WDFY1: variants seen among roughly 807,000 people sequenced by gnomAD.
WDFY1 encodes the protein WD repeat and FYVE domain containing 1.
A neutral mutation model predicts 56.4 loss-of-function variants in WDFY1; 32 were observed. The observed-to-expected ratio is 0.57, with a 90% CI of 0.43 to 0.76. The LOEUF is 0.76. WDFY1 is among the 30% of genes least tolerant of loss of function. The pLI is 0.00. For synonymous variants in WDFY1, 192 were observed against 197.3 expected (o/e 0.97, Z 0.23); for missense variants, 480 against 545.7 (o/e 0.88, Z 1.20).
chr2:223,937,236 A>G (rs1689196068), intron 1 of WDFY1, among the ~76,000 whole-genome samples: 1 of 152,256 alleles, frequency 6.6e-6, no homozygotes, highest in South Asian at 2.1e-4. Context: ...CTATTCAAAC[A>G]GGAAAAATTT....
At position 223,876,338 on chromosome 2, in the gene WDFY1, G is replaced by A. The variant is rs1320730652; in HGVS notation, c.*2333C>T. On this transcript the variant is annotated 3_prime_UTR_variant, in exon 12 of 12. Transcript: ENST00000233055. ...AGTCAAAATAAGGCAATAACCATCA[G>A]CCTATCTGTACTTTTCTTCTGTGCC... is the stretch of plus-strand genomic sequence containing the variant. 1 of 152,544 alleles carries A rather than the reference G, an allele frequency of 6.6e-6. No individual in the cohort carries two copies. The highest frequency in any genetic ancestry group is 1.5e-5 in the Non-Finnish European group (1 of 68,010). 9.4% of individuals were successfully genotyped at this position (152,544 alleles called of 1,614,324 possible).
chr2:223,890,567 T>C (rs1693252277), intron 8 of WDFY1, among the ~76,000 whole-genome samples: 1 of 152,244 alleles, frequency 6.6e-6, no homozygotes, highest in Non-Finnish European at 1.5e-5. Context: ...TAAGCTAACA[T>C]GAGCCATCCT....
intron 3 of WDFY1, among the ~76,000 whole-genome samples, chr2:223,910,526 T>C (rs1008346746): frequency 5.3e-5 from 8 of 150,244 alleles, no homozygotes; most frequent in Non-Finnish European, 1.0e-4. Flanking sequence ...GTCTAGTATC[T>C]AACATACAGA....
intron 1 of WDFY1, among the ~76,000 whole-genome samples, chr2:223,926,320 T>A (rs966907132): frequency 7.9e-5 from 12 of 152,152 alleles, no homozygotes; most frequent in Non-Finnish European, 1.3e-4. Flanking sequence ...CTAACTTTTT[T>A]AAGGCTTTTA....
intron 8 of WDFY1, among the ~76,000 whole-genome samples, chr2:223,885,822 CCACAGCAG>C (rs1364494797): frequency 4.8e-4 from 73 of 152,124 alleles, no homozygotes; most frequent in Admixed American, 4.7e-3. Context: ...CCCTTCCCAG[CCACAGCAG>C]CACGTCCCTC....
At chr2:223,900,340 C>T (rs1166286368) in intron 5 of WDFY1, among the ~76,000 whole-genome samples, 1 of 152,156 alleles carries the variant, frequency 6.6e-6, no homozygotes, top group Non-Finnish European at 1.5e-5. Flanking sequence ...ATATCTCATG[C>T]TGTGCATTCA....
At chr2:223,879,079 C>T (rs145169103) in intron 11 of WDFY1, among the ~76,000 whole-genome samples, 1 of 152,226 alleles carries the variant, frequency 6.6e-6, no homozygotes, top group African/African-American at 2.4e-5. Flanking sequence ...CCCAGCCACT[C>T]AAGAGGCTGA....
intron 1 of WDFY1, among the ~76,000 whole-genome samples, chr2:223,935,504 A>C (rs187598701): frequency 5.3e-5 from 8 of 152,368 alleles, no homozygotes; most frequent in Non-Finnish European, 1.0e-4. Context: ...AGGGAAGATG[A>C]ATACCTAAAT....
chr2:223,936,531 A>C (rs1431360380), intron 1 of WDFY1, among the ~76,000 whole-genome samples: 1 of 152,216 alleles, frequency 6.6e-6, no homozygotes, highest in Non-Finnish European at 1.5e-5. Flanking sequence ...AATGAGGTTT[A>C]AAAGATGATG....
intron 1 of WDFY1, among the ~76,000 whole-genome samples, chr2:223,942,883 G>A (rs1306361182): frequency 4.0e-5 from 6 of 151,200 alleles, no homozygotes. Context: ...TTCACATCAT[G>A]CAAGAGTCAT....
intron 3 of WDFY1, among the ~76,000 whole-genome samples, chr2:223,907,702 G>A (rs1693621410): frequency 6.6e-6 from 1 of 152,164 alleles, no homozygotes; most frequent in South Asian, 2.1e-4. Context: ...TTTTCTGAAA[G>A]CTAAAACGGA....
intron 1 of WDFY1, among the ~76,000 whole-genome samples, chr2:223,933,398 G>C (rs74965908): frequency 0.016 from 2,288 of 147,116 alleles, 62 homozygotes; most frequent in African/African-American, 0.052. Context: ...TCTTTTCACT[G>C]TTAGCATAAA....
intron 1 of WDFY1, among the ~76,000 whole-genome samples, chr2:223,943,691 C>A (rs1297562650): frequency 6.6e-6 from 1 of 152,226 alleles, no homozygotes; most frequent in Non-Finnish European, 1.5e-5. Flanking sequence ...CGGAAAGCTA[C>A]TGACATTGTA....
In WDFY1 at chr2:223,875,698, CTT is replaced by C. The variant is rs1000798112; in HGVS notation, c.*2971_*2972del. The C allele has an allele frequency of 1.9e-4, 29 of 152,176 alleles. No homozygotes were observed. 9.4% of individuals were successfully genotyped at this position (152,176 alleles called of 1,614,324 possible). A position where few individuals can be genotyped will look rare whatever the true frequency, so the allele number is the denominator to read the frequency against. On this transcript the variant is annotated 3_prime_UTR_variant, in exon 12 of 12. Coordinates refer to ENST00000233055, the MANE Select transcript of WDFY1 (RefSeq NM_020830.5). ...ACAATTAACAATTAAGCAATAGACACTTGAATAAATATAGCATGTATTACTTA... is the reference window on the plus strand; with the variant it reads ...ACAATTAACAATTAAGCAATAGACACGAATAAATATAGCATGTATTACTTA...
At position 223,881,994 on chromosome 2, in the gene WDFY1, C is replaced by T. The variant is rs1292053320; in HGVS notation, c.1012G>A (p.Glu338Lys). Residue 338 changes from glutamate to lysine, a missense_variant, in exon 10 of 12, where the codon GAG becomes AAG. Coordinates refer to ENST00000233055, the MANE Select transcript of WDFY1 (RefSeq NM_020830.5). ...KRSSYPVMGFEFQVRVCDSCY... is the reference protein window; with the variant it reads ...KRSSYPVMGFKFQVRVCDSCY... ...GAATCACAAACCCGGACTTGGAACT[C>T]GAAGCCCATGACTGGGTAACTTGAG... 6 of 1,613,970 alleles carry T rather than the reference C, an allele frequency of 3.7e-6. No individual in the cohort carries two copies. The highest frequency in any genetic ancestry group is 1.1e-5 in the South Asian group (1 of 91,086).
chr2:223,882,400 A>C (rs1294179047), intron 9 of WDFY1, among the ~76,000 whole-genome samples: 2 of 152,218 alleles, frequency 1.3e-5, no homozygotes, highest in Non-Finnish European at 2.9e-5. Context: ...GGCGTGAGCC[A>C]CTGCGCCTGG....
intron 8 of WDFY1, among the ~76,000 whole-genome samples, chr2:223,893,354 C>CAAAA (rs557812473): frequency 9.2e-6 from 1 of 108,758 alleles, no homozygotes; most frequent in Non-Finnish European, 2.0e-5. Flanking sequence ...CTGTCTCTAC[C>CAAAA]AAAAAAAAAA....
At chr2:223,918,580 G>A (rs1351132684) in intron 1 of WDFY1, among the ~76,000 whole-genome samples, 1 of 151,472 alleles carries the variant, frequency 6.6e-6, no homozygotes, top group Non-Finnish European at 1.5e-5. Flanking sequence ...ACAGTGAGCC[G>A]AGATTGCGCC....
intron 1 of WDFY1, among the ~76,000 whole-genome samples, chr2:223,931,686 C>CTTTT (rs796921019): frequency 2.4e-5 from 1 of 42,304 alleles, no homozygotes; most frequent in African/African-American, 4.9e-5. Flanking sequence ...ATTTTTCTTT[C>CTTTT]TTTTTTTTTT....
Sources: gnomAD v4.1 joint callset for allele counts (sites outside exome capture counted in the v4.1 genomes callset) on GRCh38, gnomAD v4.1.1 for gene constraint, MANE v1.5 for transcripts, NCBI Gene and HGNC (gene_info 2026-07-23, HGNC 2026-07-21) for gene names.